Variants in GPC3 observed in about 807,000 individuals in gnomAD.
The protein encoded by GPC3 is glypican-3.
Under a neutral mutation model 34.4 loss-of-function variants are expected in GPC3, and 3 were observed. The ratio of observed to expected loss-of-function variants is 0.09; its 90% CI spans 0.04 to 0.23. The LOEUF (loss-of-function observed/expected upper bound fraction) is 0.23, where lower values mean the gene tolerates loss of function less well. Ranked by LOEUF, GPC3 falls within the 10% of genes least tolerant of loss-of-function variation. GPC3 has a pLI of 1.00. For synonymous variants in GPC3, 177 were observed against 174.0 expected (o/e 1.02, Z -0.13); for missense variants, 351 against 445.6 (o/e 0.79, Z 1.91).
chrX:133,680,774 G>A (rs780500012), intron 5 of GPC3, among the ~76,000 whole-genome samples: 4 of 111,683 alleles, frequency 3.6e-5, no homozygotes, highest in African/African-American at 6.5e-5. Context: ...TAGGAAGATT[G>A]CCCGAGTTAA....
intron 1 of GPC3, among the ~76,000 whole-genome samples, chrX:133,971,577 C>CT (rs953340309): frequency 5.4e-5 from 6 of 110,711 alleles, no homozygotes; most frequent in Admixed American, 1.9e-4. Flanking sequence ...TTCCACTCAT[C>CT]TTTTTTTTAA....
intron 2 of GPC3, among the ~76,000 whole-genome samples, chrX:133,839,528 G>A (rs1213107785): frequency 3.6e-5 from 4 of 111,339 alleles, no homozygotes; most frequent in Admixed American, 9.5e-5. Context: ...TCAAGAGGGC[G>A]TTTGGGTGAA....
At chrX:133,800,367 G>C (rs151166893) in intron 2 of GPC3, among the ~76,000 whole-genome samples, 325 of 112,171 alleles carry the variant, frequency 2.9e-3, no homozygotes, top group Admixed American at 9.5e-3. Context: ...TTCCAGACTA[G>C]ACCAGATATT....
chrX:133,580,823 G>A (rs1478516462), intron 7 of GPC3, among the ~76,000 whole-genome samples: 1 of 112,073 alleles, frequency 8.9e-6, no homozygotes, highest in Non-Finnish European at 1.9e-5. Flanking sequence ...AGTTGGTACT[G>A]TATGTGAGTA....
At chrX:133,766,614 T>C (rs745723975) in intron 2 of GPC3, among the ~76,000 whole-genome samples, 1 of 112,144 alleles carries the variant, frequency 8.9e-6, no homozygotes, top group East Asian at 2.8e-4. Flanking sequence ...AATGTGAGCA[T>C]GTGTGTATGT....
intron 3 of GPC3, among the ~76,000 whole-genome samples, chrX:133,703,586 G>C (rs991232131): frequency 1.8e-5 from 2 of 108,559 alleles, no homozygotes; most frequent in African/African-American, 6.7e-5. Context: ...TCAGCCTCCC[G>C]AGTAGCTGGG....
chrX:133,659,925 G>A (rs2070702046), intron 6 of GPC3, among the ~76,000 whole-genome samples: 2 of 111,852 alleles, frequency 1.8e-5, no homozygotes, highest in Non-Finnish European at 3.8e-5. Context: ...TACATCGTTT[G>A]TGCTCTGATC....
At chrX:133,643,730 A>T (rs900006929) in intron 6 of GPC3, among the ~76,000 whole-genome samples, 1 of 111,554 alleles carries the variant, frequency 9.0e-6, no homozygotes, top group Non-Finnish European at 1.9e-5. Flanking sequence ...TGTTTTAAAA[A>T]ATATTTTTAA....
chrX:133,552,525 T>C (rs1341322783), intron 7 of GPC3, among the ~76,000 whole-genome samples: 1 of 111,566 alleles, frequency 9.0e-6, no homozygotes, highest in Admixed American at 9.6e-5. Flanking sequence ...TCCAGCTTAT[T>C]AAACTAGAGG....
intron 7 of GPC3, 114 bp downstream of exon 7, chrX:133,596,326 G>A (rs1234039324): frequency 1.5e-6 from 1 of 669,170 alleles, no homozygotes; most frequent in East Asian, 3.2e-5. Context: ...AAGAGTTGAT[G>A]AGATTGTGTG....
intron 2 of GPC3, among the ~76,000 whole-genome samples, chrX:133,929,294 C>A (rs1178263070): frequency 8.9e-6 from 1 of 112,245 alleles, no homozygotes; most frequent in Non-Finnish European, 1.9e-5. Context: ...TTCTGTTCCA[C>A]TGGTTTTCCA....
chrX:133,933,542 C>A (rs187351241), intron 2 of GPC3, among the ~76,000 whole-genome samples: 43 of 111,204 alleles, frequency 3.9e-4, no homozygotes, highest in Admixed American at 1.4e-3. Flanking sequence ...CGGACCAAAT[C>A]TCATGTTGAA....
At chrX:133,802,914 C>CTTTTTTT (rs751359373) in intron 2 of GPC3, among the ~76,000 whole-genome samples, 3 of 68,552 alleles carry the variant, frequency 4.4e-5, no homozygotes, top group African/African-American at 5.7e-5. Context: ...GGAAGGTATT[C>CTTTTTTT]TTTTTTTTTT....
At chrX:133,687,278 G>GGCGCAGGA (rs2071017088) in intron 5 of GPC3, among the ~76,000 whole-genome samples, 1 of 104,611 alleles carries the variant, frequency 9.6e-6, no homozygotes, top group African/African-American at 3.5e-5. Flanking sequence ...CCTTCTCTAG[G>GGCGCAGGA]TTGTGAACTC....
chrX:133,712,173 A>G (rs2071275423), intron 3 of GPC3, among the ~76,000 whole-genome samples: 1 of 112,140 alleles, frequency 8.9e-6, no homozygotes, highest in Non-Finnish European at 1.9e-5. Flanking sequence ...GTCTATGTCT[A>G]AAACTGATAA....
At chrX:133,733,743 A>C (rs2071484200) in intron 3 of GPC3, among the ~76,000 whole-genome samples, 1 of 111,799 alleles carries the variant, frequency 8.9e-6, no homozygotes, top group Admixed American at 9.5e-5. Context: ...AAAAAGAATT[A>C]TAAGAGAATA....
At chrX:133,866,160 C>T (rs1253329790) in intron 2 of GPC3, among the ~76,000 whole-genome samples, 3 of 111,935 alleles carry the variant, frequency 2.7e-5, no homozygotes, top group Non-Finnish European at 5.6e-5. Flanking sequence ...ACCTCATGTT[C>T]CATTAGCCAA....
intron 2 of GPC3, among the ~76,000 whole-genome samples, chrX:133,880,168 A>G (rs1779080878): frequency 8.9e-6 from 1 of 112,400 alleles, no homozygotes; most frequent in African/African-American, 3.2e-5. Context: ...GTGATAAAAA[A>G]TCAGGTCAAG....
At position 133,823,580 on chromosome X, in the gene GPC3, G is replaced by A. The variant is rs191575446; in HGVS notation, c.338-69404C>T. Among the ~76,000 whole-genome samples, 608 of 111,411 alleles carry A rather than the reference G, an allele frequency of 5.5e-3. 3 individuals are homozygous for A. Among genetic ancestry groups the A allele is most frequent in the Middle Eastern group, 0.033 (7 of 215 alleles). ...AATACAAACATAATAATTTCTGATG[G>A]GATTTTGCAATATATTCATATAAAA... is the stretch of plus-strand genomic sequence containing the variant. On this transcript the variant is annotated intron_variant, in intron 2 of 7. Transcript: ENST00000370818.
Sources: gnomAD v4.1 joint callset for allele counts (sites outside exome capture counted in the v4.1 genomes callset) on GRCh38, gnomAD v4.1.1 for gene constraint, MANE v1.5 for transcripts, NCBI Gene and HGNC (gene_info 2026-07-23, HGNC 2026-07-21) for gene names.